The following SLC38A8 variants were observed in gnomAD, a reference collection of about 807,000 sequenced individuals.
SLC38A8 encodes the protein solute carrier family 38 member 8.
In SLC38A8, 65 loss-of-function variants were observed where a neutral mutation model predicts 46.0. The observed-to-expected ratio is 1.41, with a 90% CI of 1.16 to 1.74. The LOEUF is 1.74. SLC38A8 is among the 40% of genes most tolerant of loss of function. The probability of loss-of-function intolerance (pLI) is 0.00; values close to 1 mark genes in which losing one functional copy is unlikely to be tolerated. For synonymous variants in SLC38A8, 447 were observed against 243.7 expected (o/e 1.83, Z -7.77); for missense variants, 998 against 567.9 (o/e 1.76, Z -7.70).
At chr16:84,019,680 A>G (rs2151116202) in intron 7 of SLC38A8, among the ~76,000 whole-genome samples, 1 of 152,350 alleles carries the variant, frequency 6.6e-6, no homozygotes, top group Admixed American at 6.5e-5. Context: ...TCGCTCCAGC[A>G]CCAACTCAGA....
At chr16:84,029,589 G>C (rs1348642166) in intron 5 of SLC38A8, 38 bp from the exon 6 acceptor site, 2 of 1,605,814 alleles carry the variant, frequency 1.2e-6, no homozygotes, top group Admixed American at 1.7e-5. Context: ...TTAAAGAAGG[G>C]TCACACCCGG....
chr16:84,025,425 G>T (rs563171561), intron 6 of SLC38A8, among the ~76,000 whole-genome samples: 4 of 152,166 alleles, frequency 2.6e-5, no homozygotes, highest in Non-Finnish European at 5.9e-5. Flanking sequence ...GAGCCCTCCC[G>T]AGTGGGCTGG....
Position 84,042,158 on chromosome 16 carries a change from G to A in SLC38A8, c.-1C>T, listed in dbSNP as rs373276941. On this transcript the variant is annotated splice_region_variant and 5_prime_UTR_variant, in exon 2 of 11. Transcript: ENST00000299709. ...TGCTTCCTGGGGTCTGTCCCTCCAT[G>A]GCTAGAGGCGGCAGAGGGGTGGAGA... The A allele has an allele frequency of 6.2e-7, 1 of 1,607,178 alleles. No individual in the cohort carries two copies.
intron 10 of SLC38A8, among the ~76,000 whole-genome samples, chr16:84,011,438 G>A (rs767332292): frequency 3.3e-5 from 5 of 152,156 alleles, no homozygotes; most frequent in African/African-American, 4.8e-5. Flanking sequence ...AGAAGAAACC[G>A]GGCCAGGCCT....
rs866432595 is a variant in SLC38A8 at position 84,009,689 on chromosome 16, G to A, written c.*95C>T. The A allele has an allele frequency of 1.9e-6, 2 of 1,060,694 alleles. No homozygotes were observed. The highest frequency in any genetic ancestry group is 2.7e-6 in the Non-Finnish European group (2 of 733,544). The allele number at this position is 1,060,694 out of a possible 1,614,324, so 65.7% of individuals were successfully genotyped here. A position where few individuals can be genotyped will look rare whatever the true frequency, so the allele number is the denominator to read the frequency against. On this transcript the variant is annotated 3_prime_UTR_variant, in exon 11 of 11. Coordinates refer to ENST00000299709, the MANE Select transcript of SLC38A8 (RefSeq NM_001080442.3). ...GCATCAGTCTCTCCAGCATCTTTAT[G>A]AGGAAAAGAAATGGCATCGGTCTCC... is the stretch of plus-strand genomic sequence containing the variant.
intron 2 of SLC38A8, among the ~76,000 whole-genome samples, chr16:84,039,306 C>T (rs953927090): frequency 9.2e-5 from 14 of 152,324 alleles, no homozygotes; most frequent in African/African-American, 2.9e-4. Context: ...GAAACAGACA[C>T]ATGCAATTGT....
At chr16:84,025,058 G>C (rs1210984259) in intron 6 of SLC38A8, among the ~76,000 whole-genome samples, 7 of 152,154 alleles carry the variant, frequency 4.6e-5, no homozygotes, top group African/African-American at 1.7e-4. Flanking sequence ...TCCCTGGGTG[G>C]GTCGTGGACA....
intron 6 of SLC38A8, among the ~76,000 whole-genome samples, chr16:84,024,246 A>G (rs894976650): frequency 2.6e-5 from 4 of 152,214 alleles, no homozygotes; most frequent in African/African-American, 9.6e-5. Flanking sequence ...TACTGACCAG[A>G]AAAGGTCATG....
intron 10 of SLC38A8, among the ~76,000 whole-genome samples, chr16:84,011,830 G>A (rs1041962046): frequency 6.6e-6 from 1 of 152,188 alleles, no homozygotes; most frequent in African/African-American, 2.4e-5. Flanking sequence ...GCTGTAGTGA[G>A]CCACAATTAC....
intron 3 of SLC38A8, 33 bp from the exon 4 acceptor site, chr16:84,033,502 A>G (rs2085269860): frequency 3.8e-6 from 6 of 1,563,380 alleles, no homozygotes; most frequent in Non-Finnish European, 4.3e-6. Context: ...TGAGCCACAG[A>G]GTACAAATGC....
In SLC38A8 at chr16:84,029,663, G is replaced by C. The variant is rs937489103; in HGVS notation, c.633-112C>G. 9.5e-6 allele frequency: 10 copies of C among 1,054,666 alleles called. 1 individual carries two copies. The South Asian group carries it at 1.3e-4, about 14-fold the overall frequency. 65.3% of individuals were successfully genotyped at this position (1,054,666 alleles called of 1,614,324 possible). On this transcript the variant is annotated intron_variant, in intron 5 of 10. Transcript: ENST00000299709. The stretch of plus-strand genomic sequence containing the variant: ...TGGGAAAATGTAACAGAGCATGGCT[G>C]CAAGATGTATTTTTAATGACTGTGT...
At chr16:84,026,449 A>C (rs929693667) in intron 6 of SLC38A8, among the ~76,000 whole-genome samples, 4 of 150,934 alleles carry the variant, frequency 2.7e-5, no homozygotes, top group African/African-American at 9.7e-5. Context: ...CTGGTCTTGA[A>C]CTCCTGACCT....
intron 2 of SLC38A8, among the ~76,000 whole-genome samples, chr16:84,037,696 C>G (rs4288981): frequency 0.59 from 88,596 of 150,956 alleles, 26,341 homozygotes; most frequent in East Asian, 0.85. Context: ...GGGAGGCGGA[C>G]GTTGCAGTGA....
Position 84,041,995 on chromosome 16 carries a change from C to G in SLC38A8, c.163G>C (p.Val55Leu), listed in dbSNP as rs1163013639. The G allele has an allele frequency of 4.4e-6, 7 of 1,608,868 alleles. No individual in the cohort carries two copies. The African/African-American group carries it at 6.7e-5, about 15-fold the overall frequency. The part of the protein sequence containing the change: ...FPWAFSKAGG[V>L]VPAFLVELVS... ...AGCTCCACCAGGAAGGCAGGGACCACTCCGCCCGCTTTGGAGAAGGCCCAG... is the reference window on the plus strand; with the variant it reads ...AGCTCCACCAGGAAGGCAGGGACCAGTCCGCCCGCTTTGGAGAAGGCCCAG... The change falls in exon 2 of 11, where the codon GTG (valine) becomes CTG (leucine). Residue 55 changes from valine to leucine, a missense_variant. Physicochemically the swap from Val to Leu is conservative, Grantham distance 32 (BLOSUM62 1). Coordinates refer to ENST00000299709, the MANE Select transcript of SLC38A8 (RefSeq NM_001080442.3).
chr16:84,029,655 G>C (rs1344386537), intron 5 of SLC38A8, 104 bp from the exon 6 acceptor site: 35 of 1,116,462 alleles, frequency 3.1e-5, no homozygotes, highest in Non-Finnish European at 3.4e-5. Flanking sequence ...ATGTAACAGA[G>C]CATGGCTGCA....
At position 84,029,539 on chromosome 16, in the gene SLC38A8, C is replaced by T; in HGVS notation, c.645G>A (p.Trp215Ter). Residue 215 changes from tryptophan (W) to a stop codon, truncating the protein, a stop_gained, in exon 6 of 11, where the codon TGG becomes TGA. Transcript: ENST00000299709. LOFTEE classifies it high-confidence loss of function. ...TGGGGAAGACACTGAACACAGAGGT[C>T]CAGGAGGCAGGGCTGTAAACAGACA... ...ESHPSLSPASWTSVFSVFPTI... is the reference protein window; with the variant it reads ...ESHPSLSPAS The T allele has an allele frequency of 6.2e-7, 1 of 1,614,032 alleles. No homozygotes were observed. Among genetic ancestry groups the T allele is most frequent in the South Asian group, 1.1e-5 (1 of 91,068 alleles).
intron 2 of SLC38A8, among the ~76,000 whole-genome samples, chr16:84,037,148 G>A (rs944120644): frequency 6.6e-6 from 1 of 152,188 alleles, no homozygotes; most frequent in Non-Finnish European, 1.5e-5. Flanking sequence ...CTGTGAACCT[G>A]GGAATCTGAC....
At chr16:84,031,681 G>C (rs1418974577) in intron 5 of SLC38A8, among the ~76,000 whole-genome samples, 186 bp downstream of exon 5, 1 of 149,054 alleles carries the variant, frequency 6.7e-6, no homozygotes, top group Non-Finnish European at 1.5e-5. Context: ...GCCACGGCCA[G>C]GTCCCTGCAG....
intron 3 of SLC38A8, among the ~76,000 whole-genome samples, chr16:84,033,758 C>G (rs1053371073): frequency 6.6e-6 from 1 of 152,174 alleles, no homozygotes; most frequent in African/African-American, 2.4e-5. Flanking sequence ...TGCCCTCGTG[C>G]CCCTTACATT....
Sources: gnomAD v4.1 joint callset for allele counts (sites outside exome capture counted in the v4.1 genomes callset) on GRCh38, gnomAD v4.1.1 for gene constraint, MANE v1.5 for transcripts, NCBI Gene and HGNC (gene_info 2026-07-23, HGNC 2026-07-21) for gene names.